KIF23: variants seen among roughly 807,000 people sequenced by gnomAD.
The protein encoded by KIF23 is kinesin-like protein KIF23.
A neutral mutation model predicts 137.5 loss-of-function variants in KIF23; 30 were observed. The observed-to-expected ratio is 0.22, with a 90% CI of 0.16 to 0.30. KIF23 has a LOEUF of 0.30. KIF23 is among the 10% of genes least tolerant of loss of function. The pLI is 1.00. For synonymous variants in KIF23, 367 were observed against 391.1 expected (o/e 0.94, Z 0.73); for missense variants, 920 against 1,194.3 (o/e 0.77, Z 3.38).
In KIF23 at chr15:69,429,890, G is replaced by A. The variant is rs559946705; in HGVS notation, c.1114+677G>A. ...ACAAAAAATTAGCTGGGCGTGGTGC[G>A]TCTATAGTTCCAAGGTACTTGGAGG... is the stretch of plus-strand genomic sequence containing the variant. On this transcript the variant is annotated intron_variant, in intron 11 of 23. Transcript: ENST00000679126. 9.2e-5 allele frequency among the ~76,000 whole-genome samples: 14 copies of A among 152,118 alleles called. No individual in the cohort carries two copies. In the East Asian group the frequency reaches 1.4e-3, roughly 15 times the overall value.
intron 1 of KIF23, 50 bp downstream of exon 1, chr15:69,414,526 C>T: frequency 1.3e-6 from 2 of 1,492,076 alleles, no homozygotes; most frequent in Non-Finnish European, 1.8e-6. Flanking sequence ...GGGGCCGAGG[C>T]CTCGGGGCTG....
At chr15:69,425,397 T>G in intron 8 of KIF23, 74 bp downstream of exon 8, 2 of 1,303,538 alleles carry the variant, frequency 1.5e-6, no homozygotes, top group Non-Finnish European at 2.1e-6. Flanking sequence ...TGTGGCATGT[T>G]TGCATGTAGG....
intron 17 of KIF23, 87 bp from the exon 18 acceptor site, chr15:69,440,221 T>C: frequency 6.6e-7 from 1 of 1,515,092 alleles, no homozygotes; most frequent in Non-Finnish European, 8.9e-7. Flanking sequence ...AGAACTGTCA[T>C]TTTTAGGAAA....
intron 7 of KIF23, 126 bp downstream of exon 7, chr15:69,423,455 A>G (rs2057112765): frequency 3.3e-6 from 2 of 604,248 alleles, no homozygotes; most frequent in East Asian, 3.3e-5. Flanking sequence ...ATGAAATGAT[A>G]TAATTTGTAT....
intron 20 of KIF23, 80 bp from the exon 21 acceptor site, chr15:69,445,929 G>T: frequency 9.9e-7 from 1 of 1,007,390 alleles, no homozygotes; most frequent in Non-Finnish European, 1.5e-6. Flanking sequence ...ATAGAATCAT[G>T]AGAACAGTTT....
At chr15:69,419,409 A>G (rs1183083176) in intron 3 of KIF23, among the ~76,000 whole-genome samples, 1 of 152,214 alleles carries the variant, frequency 6.6e-6, no homozygotes, top group Non-Finnish European at 1.5e-5. Flanking sequence ...CTGTCTCTCC[A>G]CCTTCATTCA....
chr15:69,440,748 T>C lies in KIF23; in HGVS notation c.2110-20T>C. The C allele has an allele frequency of 2.5e-6, 4 of 1,571,732 alleles. No individual in the cohort carries two copies. Among genetic ancestry groups the C allele is most frequent in the Non-Finnish European group, 3.4e-6 (4 of 1,163,272 alleles). On this transcript the variant is annotated intron_variant, in intron 18 of 23. Coordinates refer to ENST00000679126, the MANE Select transcript of KIF23 (RefSeq NM_001367805.3). Reference sequence around the variant, plus strand: ...TCAGTTTTTCAGTCTTGCTCATTAATTTTTCTCCAATTTTTCTAGCTTTCT... The same window carrying C: ...TCAGTTTTTCAGTCTTGCTCATTAACTTTTCTCCAATTTTTCTAGCTTTCT...
rs1422918237 is a variant in KIF23, at chr15:69,432,193, A to G, written c.1114+2980A>G. 9.4e-5 allele frequency among the ~76,000 whole-genome samples: 13 copies of G among 138,206 alleles called. No homozygotes were observed. In the East Asian group the frequency reaches 2.8e-3, roughly 30 times the overall value. 90.7% of individuals were successfully genotyped at this position (138,206 alleles called of 152,430 possible). ...TGGGGAAAAGCTAGAAAGGACTGTT[A>G]GTGTTAATATAGAGTTAGGGAGTGA... On this transcript the variant is annotated intron_variant, in intron 11 of 23. Transcript: ENST00000679126.
At chr15:69,443,713 CAT>C (rs1440281087) in intron 19 of KIF23, 2 of 152,038 alleles carry the variant, frequency 1.3e-5, no homozygotes, top group Non-Finnish European at 2.9e-5. Flanking sequence ...ATATATGTGA[CAT>C]ATTATTTTCT....
At chr15:69,440,167 C>T (rs567807248) in intron 17 of KIF23, 90 bp downstream of exon 17, 8 of 1,507,714 alleles carry the variant, frequency 5.3e-6, no homozygotes, top group African/African-American at 1.4e-5. Context: ...ATTGTATTTG[C>T]GGTAGGGTTT....
intron 7 of KIF23, among the ~76,000 whole-genome samples, chr15:69,424,633 A>G (rs568211471): frequency 6.6e-6 from 1 of 152,238 alleles, no homozygotes; most frequent in East Asian, 1.9e-4. Context: ...AAGTAGCTGG[A>G]ACTACAAGCA....
intron 19 of KIF23, among the ~76,000 whole-genome samples, chr15:69,443,208 G>A (rs569805584): frequency 4.0e-5 from 6 of 151,878 alleles, no homozygotes; most frequent in South Asian, 4.1e-4. Flanking sequence ...ACTATATAGC[G>A]AAAATGATTC....
At position 69,441,024 on chromosome 15, in the gene KIF23, A is replaced by G; in HGVS notation, c.2366A>G (p.Glu789Gly). The G allele has an allele frequency of 6.2e-7, 1 of 1,614,104 alleles. No homozygotes were observed. The change falls in exon 19 of 24, where the codon GAG (glutamate) becomes GGG (glycine). Residue 789 changes from glutamate (E) to glycine (G), a missense_variant. By Grantham distance (98) the Glu-to-Gly change is moderately conservative (BLOSUM62 -2). This residue lies in a region of KIF23 where 714 missense variants were observed against 866.2 expected (regional missense o/e 0.82). Coordinates refer to ENST00000679126, the MANE Select transcript of KIF23 (RefSeq NM_001367805.3). ...RRGMYWTEGR[E>G]VVPTFRNEIE... The stretch of plus-strand genomic sequence containing the variant: ...GGGATGTACTGGACTGAAGGCAGGG[A>G]GGTGGTTCCTACATTCAGAAATGAG...
At chr15:69,420,078 A>C (rs902169633) in intron 3 of KIF23, among the ~76,000 whole-genome samples, 1 of 152,144 alleles carries the variant, frequency 6.6e-6, no homozygotes, top group African/African-American at 2.4e-5. Flanking sequence ...TAGCTTGGCC[A>C]ACATGGCGAA....
intron 18 of KIF23, 136 bp from the exon 19 acceptor site, chr15:69,440,632 C>G: frequency 9.0e-7 from 1 of 1,115,656 alleles, no homozygotes; most frequent in Middle Eastern, 2.9e-4. Context: ...AGAATAAACA[C>G]AAATTTAGCA....
At position 69,425,354 on chromosome 15, in the gene KIF23, G is replaced by A. The variant is rs1294906461; in HGVS notation, c.776+31G>A. On this transcript the variant is annotated intron_variant, in intron 8 of 23. Coordinates refer to ENST00000679126, the MANE Select transcript of KIF23 (RefSeq NM_001367805.3). Reference sequence around the variant, plus strand: ...TGATGGTGTTGGCTCTTTTCTTAAGGAGAAGGGTGCAGTTATACTATGGTT... The same window carrying A: ...TGATGGTGTTGGCTCTTTTCTTAAGAAGAAGGGTGCAGTTATACTATGGTT... The A allele has an allele frequency of 2.6e-6, 4 of 1,525,922 alleles. No homozygotes were observed. The Admixed American group carries it at 7.9e-5, about 30-fold the overall frequency. 94.5% of individuals were successfully genotyped at this position (1,525,922 alleles called of 1,614,324 possible).
intron 1 of KIF23, chr15:69,414,785 C>T (rs2056852544): frequency 8.8e-6 from 3 of 342,050 alleles, no homozygotes; most frequent in Admixed American, 4.9e-5. Context: ...CGGGGCAGTC[C>T]TCCTCGGGGT....
intron 7 of KIF23, among the ~76,000 whole-genome samples, chr15:69,424,012 A>G (rs867563763): frequency 6.6e-6 from 1 of 152,144 alleles, no homozygotes; most frequent in South Asian, 2.1e-4. Flanking sequence ...TGCTGTCTTT[A>G]TTAGGGCCTC....
At chr15:69,416,393 C>T (rs1363805204) in intron 2 of KIF23, among the ~76,000 whole-genome samples, 2 of 152,136 alleles carry the variant, frequency 1.3e-5, no homozygotes, top group Non-Finnish European at 2.9e-5. Context: ...TCATGCCATA[C>T]AGTAACTGAT....
Sources: gnomAD v4.1 joint callset for allele counts (sites outside exome capture counted in the v4.1 genomes callset) on GRCh38, gnomAD v4.1.1 for gene constraint, gnomAD v4.1.1 regional missense constraint, MANE v1.5 for transcripts, NCBI Gene and HGNC (gene_info 2026-07-23, HGNC 2026-07-21) for gene names.